The following AKAP7 variants were observed in gnomAD, a reference collection of about 807,000 sequenced individuals.
AKAP7 encodes the protein A kinase (PRKA) anchor protein 7.
A neutral mutation model predicts 39.5 loss-of-function variants in AKAP7; 39 were observed. That is an observed-to-expected ratio of 0.99 (90% CI 0.76 to 1.29). The LOEUF (loss-of-function observed/expected upper bound fraction) is 1.29, where lower values mean the gene tolerates loss of function less well. Ranked by LOEUF, AKAP7 falls within the 50% of genes most tolerant of loss-of-function variation. The probability of loss-of-function intolerance (pLI) is 0.00; values close to 1 mark genes in which losing one functional copy is unlikely to be tolerated. For missense variants in AKAP7, 414 were observed against 407.7 expected (o/e 1.02, Z -0.13); for synonymous variants, 140 against 139.1 (o/e 1.01, Z -0.05).
chr6:131,228,562 A>G (rs1049590070), intron 7 of AKAP7, among the ~76,000 whole-genome samples: 1 of 151,966 alleles, frequency 6.6e-6, no homozygotes, highest in African/African-American at 2.4e-5. Flanking sequence ...CCCTATGTCC[A>G]GGCTGGTCTT....
Position 131,191,922 on chromosome 6 carries a change from G to A in AKAP7, c.590-7539G>A, listed in dbSNP as rs182749296. 2.7e-3 allele frequency among the ~76,000 whole-genome samples: 408 copies of A among 150,576 alleles called. 1 individual carries two copies. Among genetic ancestry groups the A allele is most frequent in the African/African-American group, 9.4e-3 (384 of 40,974 alleles). On this transcript the variant is annotated intron_variant, in intron 5 of 7. Transcript: ENST00000431975. ...CCCAAGTAGCTGGGGCTACAGGTGC[G>A]CACCACCATGCCTGGCTAATTTTCA...
At chr6:131,165,722 G>A in intron 4 of AKAP7, among the ~76,000 whole-genome samples, 1 of 152,238 alleles carries the variant, frequency 6.6e-6, no homozygotes, top group Admixed American at 6.5e-5. Context: ...CATTTTTAGA[G>A]TCACTGTACT....
intron 5 of AKAP7, among the ~76,000 whole-genome samples, chr6:131,188,327 T>C (rs1156702083): frequency 6.6e-6 from 1 of 152,168 alleles, no homozygotes; most frequent in Non-Finnish European, 1.5e-5. Flanking sequence ...AATAGTAATA[T>C]TATAGGAACA....
At chr6:131,199,826 G>A (rs955272483) in intron 6 of AKAP7, among the ~76,000 whole-genome samples, 1 of 152,094 alleles carries the variant, frequency 6.6e-6, no homozygotes, top group African/African-American at 2.4e-5. Flanking sequence ...TACCACTGTT[G>A]CCTCACCTGC....
chr6:131,145,309 A>T lies in AKAP7; in HGVS notation c.44A>T (p.Glu15Val). 6.5e-7 allele frequency: 1 copy of T among 1,540,652 alleles called. No homozygotes were observed. The change falls in exon 2 of 8, where the codon GAA (glutamate) becomes GTA (valine). Residue 15 changes from glutamate (E) to valine (V), a missense_variant. Physicochemically the swap from Glu to Val is moderately radical, Grantham distance 121. Coordinates refer to ENST00000431975, the MANE Select transcript of AKAP7 (RefSeq NM_016377.4). ...GGAGGAATTAATTCCAATGAGTGTG[A>T]AAATGTATCAAGAAAAAAGAAAATG... ...EAGGINSNEC[E>V]NVSRKKKMSE...
intron 7 of AKAP7, among the ~76,000 whole-genome samples, chr6:131,241,615 G>GTATATACGTATATA (rs1461603235): frequency 3.0e-5 from 3 of 101,336 alleles, no homozygotes; most frequent in African/African-American, 1.1e-4. Context: ...GTGTGTGTGT[G>GTATATACGTATATA]TGTGTGTGTG....
chr6:131,271,636 A>ATT (rs997697935), intron 7 of AKAP7, among the ~76,000 whole-genome samples: 10 of 149,726 alleles, frequency 6.7e-5, no homozygotes, highest in Non-Finnish European at 1.3e-4. Flanking sequence ...TGCAGCCTTG[A>ATT]TTTTTTTTTT....
At chr6:131,272,524 C>T (rs1285180043) in intron 7 of AKAP7, among the ~76,000 whole-genome samples, 1 of 152,184 alleles carries the variant, frequency 6.6e-6, no homozygotes, top group Non-Finnish European at 1.5e-5. Flanking sequence ...ACAGCTTTAG[C>T]TGCATTCCAC....
chr6:131,204,934 G>C (rs537772247), intron 6 of AKAP7, among the ~76,000 whole-genome samples: 2 of 152,254 alleles, frequency 1.3e-5, no homozygotes, highest in South Asian at 4.1e-4. Context: ...CTGCTAGAGG[G>C]TAGTCTGGAA....
chr6:131,249,047 T>C (rs1812243481), intron 7 of AKAP7, among the ~76,000 whole-genome samples: 1 of 152,200 alleles, frequency 6.6e-6, no homozygotes, highest in Non-Finnish European at 1.5e-5. Context: ...ACATTTTAAA[T>C]AGTCTGAAAA....
At chr6:131,242,988 A>T (rs532426278) in intron 7 of AKAP7, among the ~76,000 whole-genome samples, 1 of 151,904 alleles carries the variant, frequency 6.6e-6, no homozygotes, top group Non-Finnish European at 1.5e-5. Context: ...AGAGATTTAG[A>T]GGGAAGAGAC....
chr6:131,133,710 A>C (rs540765152), upstream of AKAP7, among the ~76,000 whole-genome samples: 2 of 152,362 alleles, frequency 1.3e-5, no homozygotes, highest in African/African-American at 4.8e-5. Context: ...AATTAAATTG[A>C]CAAAAGACAG....
chr6:131,175,460 A>G (rs1804487748), intron 5 of AKAP7, among the ~76,000 whole-genome samples: 1 of 152,240 alleles, frequency 6.6e-6, no homozygotes, highest in East Asian at 1.9e-4. Flanking sequence ...TTAGGAAAAA[A>G]GGAACCAATT....
At chr6:131,267,599 C>T (rs764874099) in intron 7 of AKAP7, among the ~76,000 whole-genome samples, 2 of 152,214 alleles carry the variant, frequency 1.3e-5, no homozygotes, top group Non-Finnish European at 2.9e-5. Flanking sequence ...ATTCTCCTCC[C>T]GCCCACCTCA....
intron 2 of AKAP7, among the ~76,000 whole-genome samples, chr6:131,158,873 A>G (rs1471998354): frequency 6.6e-6 from 1 of 151,178 alleles, no homozygotes; most frequent in Non-Finnish European, 1.5e-5. Flanking sequence ...CAATTAATGG[A>G]TTGTAGTTTT....
At chr6:131,184,564 A>G in intron 5 of AKAP7, 1 of 726,464 alleles carries the variant, frequency 1.4e-6, no homozygotes, top group African/African-American at 1.7e-5. Context: ...CCCCATCATC[A>G]TGGGGGTGAA....
At chr6:131,199,825 T>A (rs1282800039) in intron 6 of AKAP7, among the ~76,000 whole-genome samples, 1 of 152,160 alleles carries the variant, frequency 6.6e-6, no homozygotes, top group Non-Finnish European at 1.5e-5. Flanking sequence ...CTACCACTGT[T>A]GCCTCACCTG....
intron 7 of AKAP7, among the ~76,000 whole-genome samples, chr6:131,223,397 C>T (rs1809874828): frequency 6.6e-6 from 1 of 152,208 alleles, no homozygotes; most frequent in South Asian, 2.1e-4. Flanking sequence ...CACAATTTTA[C>T]TTCCAAATTT....
At chr6:131,215,829 C>G (rs956014557) in intron 6 of AKAP7, among the ~76,000 whole-genome samples, 2 of 152,146 alleles carry the variant, frequency 1.3e-5, no homozygotes, top group African/African-American at 4.8e-5. Flanking sequence ...CTTCTTTAAC[C>G]AGCCTATGCC....
Sources: allele counts gnomAD v4.1 joint callset (sites outside exome capture counted in the v4.1 genomes callset), GRCh38; gene constraint gnomAD v4.1.1; transcripts MANE v1.5; gene names NCBI Gene and HGNC (gene_info 2026-07-23, HGNC 2026-07-21).